DOCK9: variants seen among roughly 807,000 people sequenced by gnomAD.
DOCK9 encodes the protein dedicator of cytokinesis 9, also known as dedicator of cytokinesis protein 9.
A neutral mutation model predicts 263.3 loss-of-function variants in DOCK9; 89 were observed. The ratio of observed to expected loss-of-function variants is 0.34; its 90% confidence interval spans 0.28 to 0.40. DOCK9 has a LOEUF of 0.40. Among genes scored for constraint, DOCK9 ranks in the 10% least tolerant of loss-of-function variants. The probability of loss-of-function intolerance (pLI) is 1.00; values close to 1 mark genes in which losing one functional copy is unlikely to be tolerated. For missense variants in DOCK9, 2,140 were observed against 2,603.4 expected (o/e 0.82, Z 3.87); for synonymous variants, 976 against 973.1 (o/e 1.00, Z -0.06).
intron 46 of DOCK9, 83 bp from the exon 47 acceptor site, chr13:98,809,548 GAA>G (rs1488664987): frequency 8.6e-6 from 10 of 1,163,350 alleles, no homozygotes; most frequent in Non-Finnish European, 1.2e-5. Flanking sequence ...TAATGGAGGT[GAA>G]AAGTCCTTGA....
chr13:98,975,466 A>AAC (rs778389687), intron 1 of DOCK9, among the ~76,000 whole-genome samples: 4 of 98,298 alleles, frequency 4.1e-5, no homozygotes, highest in African/African-American at 1.1e-4. Flanking sequence ...ATATTCTCTA[A>AAC]ACACATACAC....
chr13:99,012,140 T>A (rs1019349568), intron 1 of DOCK9, among the ~76,000 whole-genome samples: 1 of 152,176 alleles, frequency 6.6e-6, no homozygotes, highest in Non-Finnish European at 1.5e-5. Flanking sequence ...TTAACCACCA[T>A]ACTACAGTGC....
chr13:98,868,453 G>C, intron 27 of DOCK9, 76 bp from the exon 28 acceptor site: 1 of 1,463,276 alleles, frequency 6.8e-7, no homozygotes, highest in Middle Eastern at 2.0e-4. Flanking sequence ...TCTCATCCCT[G>C]AGTCCATCTT....
chr13:99,062,910 C>T (rs569096513), intron 1 of DOCK9, among the ~76,000 whole-genome samples: 1 of 152,286 alleles, frequency 6.6e-6, no homozygotes, highest in East Asian at 1.9e-4. Context: ...AGCTGCCAGC[C>T]CAGGGTCCCC....
intron 1 of DOCK9, among the ~76,000 whole-genome samples, chr13:98,957,193 T>G (rs2058155894): frequency 6.6e-6 from 1 of 152,020 alleles, no homozygotes; most frequent in South Asian, 2.1e-4. Flanking sequence ...ATGGAAAGAG[T>G]CTGGGTCCTG....
At chr13:99,046,741 C>G (rs928666954) in intron 1 of DOCK9, among the ~76,000 whole-genome samples, 2 of 152,242 alleles carry the variant, frequency 1.3e-5, no homozygotes, top group Admixed American at 1.3e-4. Flanking sequence ...ATGTCAACAT[C>G]TTTCTCTGCC....
intron 3 of DOCK9, 132 bp from the exon 4 acceptor site, chr13:98,926,051 G>T (rs1284018255): frequency 1.7e-6 from 1 of 580,960 alleles, no homozygotes; most frequent in Admixed American, 3.2e-5. Context: ...ACGAGCTAAT[G>T]CCTGAAATTC....
intron 15 of DOCK9, among the ~76,000 whole-genome samples, chr13:98,891,742 G>A (rs1039508980): frequency 1.3e-4 from 20 of 150,708 alleles, no homozygotes; most frequent in Middle Eastern, 3.4e-3. Context: ...CTGTAAAGAC[G>A]TTCTTTCCAT....
chr13:98,974,989 T>C (rs1481822340), intron 1 of DOCK9, among the ~76,000 whole-genome samples: 2 of 152,188 alleles, frequency 1.3e-5, no homozygotes, highest in African/African-American at 4.8e-5. Context: ...TACAGGTACA[T>C]TTATGGTAGC....
At chr13:99,051,538 CT>C in intron 1 of DOCK9, among the ~76,000 whole-genome samples, 1 of 152,092 alleles carries the variant, frequency 6.6e-6, no homozygotes, top group Non-Finnish European at 1.5e-5. Flanking sequence ...AAAAATACAT[CT>C]TTTCAATACC....
intron 37 of DOCK9, 63 bp from the exon 38 acceptor site, chr13:98,846,123 GGAGT>G: frequency 6.5e-7 from 1 of 1,532,970 alleles, no homozygotes; most frequent in Non-Finnish European, 8.8e-7. Flanking sequence ...AGCGAGACGG[GGAGT>G]GTTAGTGAAG....
Position 98,951,529 on chromosome 13 carries a change from G to A in DOCK9, c.243+3906C>T, listed in dbSNP as rs76677028. ...CCTTCTCAGGACCACAGCACGGGGCGGGATGCCTGCGTGCAAGAAGCCTAA... is the reference window on the plus strand; with the variant it reads ...CCTTCTCAGGACCACAGCACGGGGCAGGATGCCTGCGTGCAAGAAGCCTAA... On this transcript the variant is annotated intron_variant, in intron 2 of 52. Coordinates refer to ENST00000682017, the MANE Select transcript of DOCK9 (RefSeq NM_001366683.2). Among the ~76,000 whole-genome samples, 857 of 152,326 alleles carry A rather than the reference G, an allele frequency of 5.6e-3. 7 individuals carry two copies. The highest frequency in any genetic ancestry group is 0.01 in the Non-Finnish European group (704 of 68,042).
chr13:98,971,801 T>C (rs1289649704), intron 1 of DOCK9, among the ~76,000 whole-genome samples: 1 of 152,220 alleles, frequency 6.6e-6, no homozygotes, highest in Non-Finnish European at 1.5e-5. Context: ...GGGAAGATGA[T>C]AAAATGTAAC....
At chr13:98,899,903 T>C (rs552317705) in intron 13 of DOCK9, among the ~76,000 whole-genome samples, 2 of 152,284 alleles carry the variant, frequency 1.3e-5, no homozygotes, top group African/African-American at 4.8e-5. Context: ...AAAACCTCTA[T>C]TCACAGGAGA....
rs757237120 is a variant in DOCK9, at chr13:98,884,949, C to T, written c.2382+22G>A. 4.4e-6 allele frequency: 7 copies of T among 1,605,100 alleles called. No homozygotes were observed. The Admixed American group carries it at 8.6e-5, about 20-fold the overall frequency. On this transcript the variant is annotated intron_variant, in intron 21 of 52. Coordinates refer to ENST00000682017, the MANE Select transcript of DOCK9 (RefSeq NM_001366683.2). ...TGTTTTCTGAAGAAATTGGGATGACCCAATCTTAAAATGGGACATACCCTG... is the reference window on the plus strand; with the variant it reads ...TGTTTTCTGAAGAAATTGGGATGACTCAATCTTAAAATGGGACATACCCTG...
At chr13:98,824,319 G>A in intron 45 of DOCK9, 79 bp downstream of exon 45, 1 of 1,273,034 alleles carries the variant, frequency 7.9e-7, no homozygotes, top group African/African-American at 1.5e-5. Context: ...AAAAGCCCTG[G>A]TCTGATGCAC....
chr13:98,914,535 T>C, intron 8 of DOCK9, 140 bp from the exon 9 acceptor site: 2 of 671,574 alleles, frequency 3.0e-6, no homozygotes, highest in South Asian at 1.9e-5. Context: ...GGGAAACACT[T>C]GGGGTGCTTT....
At chr13:98,808,232 A>C (rs1457144047) in intron 47 of DOCK9, among the ~76,000 whole-genome samples, 1 of 152,182 alleles carries the variant, frequency 6.6e-6, no homozygotes, top group African/African-American at 2.4e-5. Flanking sequence ...GCATGAACTG[A>C]AGCGTTTGGG....
intron 14 of DOCK9, 41 bp downstream of exon 14, chr13:98,898,138 C>G: frequency 7.0e-7 from 1 of 1,438,610 alleles, no homozygotes; most frequent in Non-Finnish European, 9.7e-7. Flanking sequence ...ATCCATGCAC[C>G]TATCTATATC....
Sources: allele counts gnomAD v4.1 joint callset (sites outside exome capture counted in the v4.1 genomes callset), GRCh38; gene constraint gnomAD v4.1.1; transcripts MANE v1.5; gene names NCBI Gene and HGNC (gene_info 2026-07-23, HGNC 2026-07-21).